Variants in GAD2 observed in about 807,000 individuals in gnomAD.
GAD2 encodes the protein 65 kDa glutamic acid decarboxylase.
GAD2 carries 22 observed loss-of-function variants against 80.1 expected under a neutral mutation model. That is an observed-to-expected ratio of 0.27 (90% CI 0.20 to 0.39). The LOEUF (loss-of-function observed/expected upper bound fraction) is 0.39, where lower values mean the gene tolerates loss of function less well. Among genes scored for constraint, GAD2 ranks in the 10% least tolerant of loss-of-function variants. The pLI, the probability that GAD2 is intolerant of heterozygous loss-of-function variation, is 1.00. For missense variants in GAD2, 624 were observed against 738.4 expected (o/e 0.85, Z 1.80); for synonymous variants, 274 against 256.9 (o/e 1.07, Z -0.64).
chr10:26,262,922 G>T (rs1845026331), intron 8 of GAD2, among the ~76,000 whole-genome samples: 1 of 151,924 alleles, frequency 6.6e-6, no homozygotes, highest in Admixed American at 6.6e-5. Context: ...GAGGAGTAAT[G>T]TGAGGTGGTC....
intron 12 of GAD2, among the ~76,000 whole-genome samples, chr10:26,281,595 T>C (rs1382697195): frequency 6.6e-6 from 1 of 152,182 alleles, no homozygotes. Flanking sequence ...TCTATCTATT[T>C]AATATTTAAA....
chr10:26,284,988 G>A (rs568464286), intron 12 of GAD2, among the ~76,000 whole-genome samples: 4 of 152,242 alleles, frequency 2.6e-5, no homozygotes, highest in African/African-American at 4.8e-5. Flanking sequence ...TTGATGGCAC[G>A]AAGGTGTGAG....
intron 8 of GAD2, among the ~76,000 whole-genome samples, chr10:26,260,466 T>G (rs550054631): frequency 4.4e-4 from 67 of 152,114 alleles, no homozygotes; most frequent in African/African-American, 1.3e-3. Flanking sequence ...CCATCTCTAC[T>G]AAAAATAAAA....
intron 7 of GAD2, among the ~76,000 whole-genome samples, chr10:26,234,025 T>TA: frequency 6.6e-6 from 1 of 152,020 alleles, no homozygotes; most frequent in East Asian, 1.9e-4. Flanking sequence ...CAACCAACTT[T>TA]AAAAAACAAC....
At chr10:26,255,021 A>G (rs1308352564) in intron 8 of GAD2, among the ~76,000 whole-genome samples, 1 of 152,242 alleles carries the variant, frequency 6.6e-6, no homozygotes, top group African/African-American at 2.4e-5. Flanking sequence ...CACCGAAGTG[A>G]GAGTGTCTGG....
At chr10:26,283,368 AT>A (rs1189585657) in intron 12 of GAD2, among the ~76,000 whole-genome samples, 1 of 152,254 alleles carries the variant, frequency 6.6e-6, no homozygotes. Context: ...GGACACTGTT[AT>A]TGGAGACCAT....
At chr10:26,279,081 GCCAGGAC>G (rs1190461330) in intron 11 of GAD2, among the ~76,000 whole-genome samples, 1 of 151,954 alleles carries the variant, frequency 6.6e-6, no homozygotes, top group East Asian at 1.9e-4. Context: ...AAACTCCACT[GCCAGGAC>G]CCGTCAGTCT....
At chr10:26,243,564 G>A (rs146699967) in intron 7 of GAD2, among the ~76,000 whole-genome samples, 234 of 152,318 alleles carry the variant, frequency 1.5e-3, no homozygotes, top group African/African-American at 5.2e-3. Flanking sequence ...CAAATGGCAC[G>A]GTGATTACAA....
intron 7 of GAD2, among the ~76,000 whole-genome samples, chr10:26,237,419 G>A (rs1447998422): frequency 1.3e-5 from 2 of 152,184 alleles, no homozygotes; most frequent in South Asian, 2.1e-4. Flanking sequence ...TCCCGTAGCT[G>A]TGGGGAGGAT....
At position 26,223,922 on chromosome 10, in the gene GAD2, T is replaced by G; in HGVS notation, c.556T>G (p.Leu186Val). The change falls in exon 5 of 16, where the codon TTG becomes GTG. Residue 186 changes from leucine (L) to valine (V), a missense_variant. Physicochemically the swap from Leu to Val is conservative, Grantham distance 32 (BLOSUM62 1). Coordinates refer to ENST00000376261, the MANE Select transcript of GAD2 (RefSeq NM_001134366.2). ...ATACTTCAATCAACTTTCTACTGGTTTGGATATGGTTGGATTAGCAGCAGA... is the reference window on the plus strand; with the variant it reads ...ATACTTCAATCAACTTTCTACTGGTGTGGATATGGTTGGATTAGCAGCAGA... ...PRYFNQLSTG[L>V]DMVGLAADWL... The G allele has an allele frequency of 6.2e-7, 1 of 1,609,768 alleles. No homozygotes were observed. Among genetic ancestry groups the G allele is most frequent in the Non-Finnish European group, 8.5e-7 (1 of 1,178,556 alleles).
At chr10:26,231,649 T>C (rs749289318) in intron 7 of GAD2, among the ~76,000 whole-genome samples, 3 of 152,192 alleles carry the variant, frequency 2.0e-5, no homozygotes, top group Non-Finnish European at 4.4e-5. Flanking sequence ...ATCACAAACT[T>C]TGTGGCTTAC....
chr10:26,258,157 TA>T (rs1056183856), intron 8 of GAD2, among the ~76,000 whole-genome samples: 2 of 152,276 alleles, frequency 1.3e-5, no homozygotes, highest in African/African-American at 4.8e-5. Flanking sequence ...TTAATTCATT[TA>T]ATTAGAGACA....
intron 15 of GAD2, 65 bp downstream of exon 15, chr10:26,293,056 T>C (rs1834236352): frequency 7.6e-6 from 10 of 1,312,928 alleles, no homozygotes; most frequent in Middle Eastern, 1.8e-4. Context: ...ATCTTCTTTA[T>C]GACATATGCC....
At chr10:26,267,829 A>AT (rs887946618) in intron 8 of GAD2, among the ~76,000 whole-genome samples, 19 of 152,190 alleles carry the variant, frequency 1.2e-4, no homozygotes, top group Non-Finnish European at 2.5e-4. Flanking sequence ...TGCCCAAATT[A>AT]TTTTTTTAAA....
chr10:26,257,362 G>GCGAGATTC (rs1474305886), intron 8 of GAD2, among the ~76,000 whole-genome samples: 7 of 152,234 alleles, frequency 4.6e-5, no homozygotes, highest in Non-Finnish European at 1.0e-4. Flanking sequence ...GGGAGACAGA[G>GCGAGATTC]CGAGATTCCG....
chr10:26,245,018 T>C (rs986582182), intron 7 of GAD2, among the ~76,000 whole-genome samples: 16 of 151,832 alleles, frequency 1.1e-4, no homozygotes, highest in Non-Finnish European at 2.1e-4. Flanking sequence ...CTAGGCATGG[T>C]GGTGGGCACC....
In GAD2 at chr10:26,283,936, A is replaced by T. The variant is rs1038344831; in HGVS notation, c.1237-2409A>T. Among the ~76,000 whole-genome samples the T allele has an allele frequency of 3.9e-5, 6 of 152,206 alleles. No individual in the cohort carries two copies. The East Asian group carries it at 1.2e-3, about 29-fold the overall frequency. ...CCAGGTGGTAGAGATTTGACAGCAA[A>T]ATCAGAACATCTGACTTGGGTTCAA... On this transcript the variant is annotated intron_variant, in intron 12 of 15. Coordinates refer to ENST00000376261, the MANE Select transcript of GAD2 (RefSeq NM_001134366.2).
At chr10:26,252,052 G>T (rs1844886233) in intron 8 of GAD2, among the ~76,000 whole-genome samples, 1 of 152,190 alleles carries the variant, frequency 6.6e-6, no homozygotes, top group African/African-American at 2.4e-5. Context: ...ACGTAAGGCT[G>T]ACAAGGTGAG....
intron 7 of GAD2, among the ~76,000 whole-genome samples, chr10:26,242,119 G>A (rs908572213): frequency 6.6e-6 from 1 of 152,098 alleles, no homozygotes; most frequent in Non-Finnish European, 1.5e-5. Flanking sequence ...CGGAGTAGCT[G>A]GGACTACAGG....
Sources: gnomAD v4.1 joint callset for allele counts (sites outside exome capture counted in the v4.1 genomes callset) on GRCh38, gnomAD v4.1.1 for gene constraint, MANE v1.5 for transcripts, NCBI Gene and HGNC (gene_info 2026-07-23, HGNC 2026-07-21) for gene names.